Variants in RPS6KC1 observed in about 807,000 individuals in gnomAD.
RPS6KC1 encodes the protein ribosomal protein S6 kinase C1.
A neutral mutation model predicts 103.8 loss-of-function variants in RPS6KC1; 54 were observed. The ratio of observed to expected loss-of-function variants is 0.52; its 90% CI spans 0.42 to 0.65. The LOEUF is 0.65. RPS6KC1 is among the 30% of genes least tolerant of loss of function. RPS6KC1 has a pLI of 0.00. For synonymous variants in RPS6KC1, 439 were observed against 438.7 expected, an observed-to-expected ratio of 1.00 and a Z score of -0.01; for missense variants, 1,151 against 1,253.8, an observed-to-expected ratio of 0.92 and a Z score of 1.24.
chr1:213,650,731 T>G, the RPS6KC1 span, among the ~76,000 whole-genome samples: 1 of 152,236 alleles, frequency 6.6e-6, no homozygotes, highest in East Asian at 1.9e-4. Context: ...CCCCATTCCA[T>G]TTTTGTTTAG....
chr1:213,566,437 G>GTTTTTTTTTTTTTTTTTTTTTTT, the RPS6KC1 span, among the ~76,000 whole-genome samples: 12 of 48,526 alleles, frequency 2.5e-4, 1 homozygote, highest in Non-Finnish European at 4.1e-4. Flanking sequence ...TCAGCCTTTA[G>GTTTTTTTTTTTTTTTTTTTTTTT]TTTTTTTTTT....
At chr1:213,183,356 C>CT (rs1204777542) in intron 8 of RPS6KC1, among the ~76,000 whole-genome samples, 1 of 152,090 alleles carries the variant, frequency 6.6e-6, no homozygotes, top group African/African-American at 2.4e-5. Flanking sequence ...GAACAGCAGA[C>CT]TACACATTCT....
At chr1:213,561,789 C>T in the RPS6KC1 span, among the ~76,000 whole-genome samples, 2 of 152,206 alleles carry the variant, frequency 1.3e-5, no homozygotes, top group East Asian at 3.8e-4. Flanking sequence ...GAGCAGATAG[C>T]CCAATTCAGC....
the RPS6KC1 span, among the ~76,000 whole-genome samples, chr1:213,454,097 C>T: frequency 6.6e-6 from 1 of 151,666 alleles, no homozygotes; most frequent in African/African-American, 2.4e-5. Flanking sequence ...TGAGTAATTA[C>T]GTTTTGGGGG....
At chr1:213,423,377 A>G in the RPS6KC1 span, among the ~76,000 whole-genome samples, 3 of 151,656 alleles carry the variant, frequency 2.0e-5, no homozygotes, top group East Asian at 1.9e-4. Flanking sequence ...TCTCTGGGCA[A>G]CTCCCTCCTC....
chr1:213,594,122 C>T, the RPS6KC1 span, among the ~76,000 whole-genome samples: 1 of 152,124 alleles, frequency 6.6e-6, no homozygotes, highest in Non-Finnish European at 1.5e-5. Flanking sequence ...ACCTCAGCCT[C>T]CCAAAGTGTT....
intron 6 of RPS6KC1, among the ~76,000 whole-genome samples, chr1:213,155,260 G>A (rs1242552063): frequency 6.6e-6 from 1 of 152,134 alleles, no homozygotes; most frequent in Non-Finnish European, 1.5e-5. Flanking sequence ...GCCTCAGCTA[G>A]TATCTCAGTA....
chr1:213,297,698 G>T, the RPS6KC1 span, among the ~76,000 whole-genome samples: 1 of 152,096 alleles, frequency 6.6e-6, no homozygotes, highest in Admixed American at 6.6e-5. Flanking sequence ...GTAACCTCAA[G>T]CTCCCGGGCT....
At chr1:213,250,153 G>C (rs912146686) in intron 12 of RPS6KC1, among the ~76,000 whole-genome samples, 4 of 152,144 alleles carry the variant, frequency 2.6e-5, no homozygotes, top group African/African-American at 9.7e-5. Context: ...GGCAGGAAGC[G>C]AGGCTAGAGA....
chr1:213,329,940 C>G, the RPS6KC1 span, among the ~76,000 whole-genome samples: 21 of 152,124 alleles, frequency 1.4e-4, no homozygotes, highest in African/African-American at 5.1e-4. Flanking sequence ...GGCACCCTCT[C>G]AAAGAAACCT....
At chr1:213,535,166 C>T in the RPS6KC1 span, among the ~76,000 whole-genome samples, 1 of 152,104 alleles carries the variant, frequency 6.6e-6, no homozygotes, top group Admixed American at 6.5e-5. Flanking sequence ...GGCTGTGTTA[C>T]CAGTTCATTT....
At chr1:213,185,411 C>T (rs2092476290) in intron 8 of RPS6KC1, among the ~76,000 whole-genome samples, 1 of 152,106 alleles carries the variant, frequency 6.6e-6, no homozygotes, top group Admixed American at 6.6e-5. Context: ...TTTGGGAGGC[C>T]AAGGTGGGCA....
chr1:213,399,934 G>T, the RPS6KC1 span, among the ~76,000 whole-genome samples: 1 of 152,112 alleles, frequency 6.6e-6, no homozygotes, highest in Non-Finnish European at 1.5e-5. Flanking sequence ...CAGGAATGCA[G>T]GGTATTTTTA....
chr1:213,801,557 G>A, the RPS6KC1 span, among the ~76,000 whole-genome samples: 14 of 152,276 alleles, frequency 9.2e-5, no homozygotes, highest in African/African-American at 3.1e-4. Flanking sequence ...AGACGGGCAG[G>A]TGGATTAATG....
At chr1:213,214,947 T>A (rs1451701165) in intron 8 of RPS6KC1, among the ~76,000 whole-genome samples, 2 of 151,946 alleles carry the variant, frequency 1.3e-5, no homozygotes, top group Non-Finnish European at 2.9e-5. Flanking sequence ...CATAAAAAAC[T>A]GAAAATTCTA....
the RPS6KC1 span, among the ~76,000 whole-genome samples, chr1:213,690,234 C>T: frequency 6.6e-6 from 1 of 152,168 alleles, no homozygotes; most frequent in Non-Finnish European, 1.5e-5. Flanking sequence ...TTTGTTCCTT[C>T]CCACTGTGCT....
At chr1:213,661,839 T>G in the RPS6KC1 span, among the ~76,000 whole-genome samples, 2 of 152,216 alleles carry the variant, frequency 1.3e-5, no homozygotes, top group Non-Finnish European at 2.9e-5. Flanking sequence ...TTTGCTTAAA[T>G]AAAAGTAAAT....
intron 8 of RPS6KC1, among the ~76,000 whole-genome samples, chr1:213,222,437 T>C (rs1421674416): frequency 6.6e-6 from 1 of 152,216 alleles, no homozygotes; most frequent in African/African-American, 2.4e-5. Context: ...ATTGGTTTCA[T>C]GGCATAACAT....
intron 6 of RPS6KC1, among the ~76,000 whole-genome samples, chr1:213,138,350 T>G (rs1031527229): frequency 1.2e-4 from 19 of 152,158 alleles, no homozygotes; most frequent in South Asian, 1.0e-3. Flanking sequence ...GCCATTTTCT[T>G]TTTTTTCTTC....
Sources: gnomAD v4.1 joint callset for allele counts (sites outside exome capture counted in the v4.1 genomes callset) on GRCh38, gnomAD v4.1.1 for gene constraint, MANE v1.5 for transcripts, NCBI Gene and HGNC (gene_info 2026-07-23, HGNC 2026-07-21) for gene names.